JAKMIP1: variants seen among roughly 807,000 people sequenced by gnomAD.
JAKMIP1 encodes janus kinase and microtubule-interacting protein 1.
A neutral mutation model predicts 113.0 loss-of-function variants in JAKMIP1; 33 were observed. The ratio of observed to expected loss-of-function variants is 0.29; its 90% CI spans 0.22 to 0.39. JAKMIP1 has a LOEUF of 0.39. Ranked by LOEUF, JAKMIP1 falls within the 10% of genes least tolerant of loss-of-function variation. The pLI is 1.00. For missense variants in JAKMIP1, 813 were observed against 1,080.5 expected (o/e 0.75, Z 3.47); for synonymous variants, 480 against 459.9 (o/e 1.04, Z -0.56).
Position 6,061,123 on chromosome 4 carries a change from G to A in JAKMIP1, c.1561-616C>T, listed in dbSNP as rs6446448. ...CAGCAGCAGCCACAAGAAATGGGAC[G>A]CCTGTTGCTGCCAGATGTTCTGACC... is the stretch of plus-strand genomic sequence containing the variant. On this transcript the variant is annotated intron_variant, in intron 10 of 20. Coordinates refer to ENST00000409021, the MANE Select transcript of JAKMIP1 (RefSeq NM_001099433.2). This position sits in a 1 kb window ranked among gnomAD's most constrained non-coding sequence, Gnocchi z 5.3. Among the ~76,000 whole-genome samples the A allele has an allele frequency of 0.15, 22,574 of 152,234 alleles. 2,443 individuals are homozygous for A. Among genetic ancestry groups the A allele is most frequent in the African/African-American group, 0.3 (12,538 of 41,514 alleles).
chr4:6,145,093 G>A (rs957981762), intron 1 of JAKMIP1, among the ~76,000 whole-genome samples: 6 of 152,274 alleles, frequency 3.9e-5, no homozygotes, highest in Middle Eastern at 3.4e-3. Context: ...AATGAACAAC[G>A]TGAAAATGAA....
intron 1 of JAKMIP1, among the ~76,000 whole-genome samples, chr4:6,172,018 C>A (rs747771135): frequency 2.6e-5 from 4 of 152,278 alleles, no homozygotes; most frequent in East Asian, 1.9e-4. Flanking sequence ...CAAGCTCCCC[C>A]ACGTGATACC....
At position 6,097,454 on chromosome 4, in the gene JAKMIP1, G is replaced by A. The variant is rs868771071; in HGVS notation, c.624+8019C>T. Among the ~76,000 whole-genome samples, 12 of 152,300 alleles carry A rather than the reference G, an allele frequency of 7.9e-5. No homozygotes were observed. The highest frequency in any genetic ancestry group is 2.1e-4 in the South Asian group (1 of 4,830). On this transcript the variant is annotated intron_variant, in intron 3 of 20. Transcript: ENST00000409021. This position sits in a 1 kb window ranked among gnomAD's most constrained non-coding sequence, Gnocchi z 4.3. ...TATGGAAGCTCTATCACAGCTGATG[G>A]GGGCTAGGGGGATCTTTTTTCCCCT...
At chr4:6,159,271 G>A (rs1037182207) in intron 1 of JAKMIP1, among the ~76,000 whole-genome samples, 2 of 131,800 alleles carry the variant, frequency 1.5e-5, no homozygotes, top group African/African-American at 2.7e-5. Context: ...AATACAAACA[G>A]AGAAACCACA....
rs979663760 is a variant in JAKMIP1, at chr4:6,157,329, G to A, written c.-148+42924C>T. ...CAGGTTACTCCCTCTGCAAAAAGGC[G>A]CACGGGATGGGAAGCTGGCGCACAA... On this transcript the variant is annotated intron_variant, in intron 1 of 20. Transcript: ENST00000409021. The surrounding 1 kb of genome is among the most constrained non-coding windows in gnomAD (Gnocchi z 4.7). Among the ~76,000 whole-genome samples, 2 of 152,152 alleles carry A rather than the reference G, an allele frequency of 1.3e-5. No individual in the cohort carries two copies. The highest frequency in any genetic ancestry group is 4.8e-5 in the African/African-American group (2 of 41,432).
chr4:6,198,528 G>C (rs777549080), intron 1 of JAKMIP1, among the ~76,000 whole-genome samples: 12 of 152,104 alleles, frequency 7.9e-5, no homozygotes, highest in Non-Finnish European at 1.6e-4. Context: ...TCATGCATTG[G>C]GTCCACACTG....
Position 6,112,712 on chromosome 4 carries a change from C to G in JAKMIP1, c.129+10G>C. On this transcript the variant is annotated intron_variant, in intron 2 of 20. Transcript: ENST00000409021. ...AGCCCAGCCGCTGCTGAGCTGACGC[C>G]AACCCCCACCTTGCTTTTTTCCTGC... 6.2e-7 allele frequency: 1 copy of G among 1,612,994 alleles called. No individual in the cohort carries two copies. The highest frequency in any genetic ancestry group is 8.5e-7 in the Non-Finnish European group (1 of 1,179,692).
chr4:6,147,400 G>A (rs143891675), intron 1 of JAKMIP1, among the ~76,000 whole-genome samples: 3 of 152,272 alleles, frequency 2.0e-5, no homozygotes, highest in African/African-American at 7.2e-5. Flanking sequence ...TGCCAGTCAC[G>A]GAAACATGGG....
chr4:6,095,964 T>C (rs1711668065), intron 3 of JAKMIP1, among the ~76,000 whole-genome samples: 1 of 152,112 alleles, frequency 6.6e-6, no homozygotes, highest in East Asian at 1.9e-4. Context: ...TGGGAAAAGG[T>C]GGCATATAAC....
Position 6,141,071 on chromosome 4 carries a change from G to A in JAKMIP1, c.-147-28074C>T, listed in dbSNP as rs781559075. ...GGGCCCCCTGCCCAGCATTCACAGC[G>A]AAGAAGCCTCAGTCAGTCACTACCA... On this transcript the variant is annotated intron_variant, in intron 1 of 20. Transcript: ENST00000409021. The surrounding 1 kb of genome is among the most constrained non-coding windows in gnomAD (Gnocchi z 9.4). 9.2e-5 allele frequency among the ~76,000 whole-genome samples: 14 copies of A among 152,212 alleles called. No homozygotes were observed. Among genetic ancestry groups the A allele is most frequent in the African/African-American group, 1.4e-4 (6 of 41,432 alleles).
chr4:6,077,576 T>C (rs570029909), intron 8 of JAKMIP1, among the ~76,000 whole-genome samples: 5 of 142,482 alleles, frequency 3.5e-5, no homozygotes, highest in Admixed American at 1.5e-4. Flanking sequence ...AGCCTTGACC[T>C]CCTGGGCTCA....
At chr4:6,090,281 G>T (rs906963673) in intron 3 of JAKMIP1, among the ~76,000 whole-genome samples, 3 of 151,960 alleles carry the variant, frequency 2.0e-5, no homozygotes, top group Non-Finnish European at 2.9e-5. Flanking sequence ...AGAAGGCCAC[G>T]TGCAGGCAGA....
Position 6,084,832 on chromosome 4 carries a change from T to C in JAKMIP1, c.954+14A>G, listed in dbSNP as rs982921128. On this transcript the variant is annotated intron_variant, in intron 5 of 20. Coordinates refer to ENST00000409021, the MANE Select transcript of JAKMIP1 (RefSeq NM_001099433.2). ...CACCCTATGAGGCACCGCCTGTCTC[T>C]TGGGGCTACTTACCAGTTCATTCCT... 2.5e-6 allele frequency: 4 copies of C among 1,608,384 alleles called. No individual in the cohort carries two copies. The highest frequency in any genetic ancestry group is 2.2e-5 in the South Asian group (2 of 89,370).
intron 1 of JAKMIP1, among the ~76,000 whole-genome samples, chr4:6,113,407 G>A (rs1210754864): frequency 6.6e-6 from 1 of 152,108 alleles, no homozygotes; most frequent in Non-Finnish European, 1.5e-5. Flanking sequence ...AGAGCTTGAA[G>A]CATGAGGAGC....
chr4:6,172,063 C>T (rs1475689473), intron 1 of JAKMIP1, among the ~76,000 whole-genome samples: 2 of 152,230 alleles, frequency 1.3e-5, no homozygotes, highest in African/African-American at 4.8e-5. Flanking sequence ...CCACACCAGG[C>T]CACGCAGGAA....
rs535763199 is a variant in JAKMIP1 at position 6,183,919 on chromosome 4, C to G, written c.-148+16334G>C. ...CGTCACAACAGAATATTTTCACAAC[C>G]ACAACAAAGTCCATTAATACTCAAG... On this transcript the variant is annotated intron_variant, in intron 1 of 20. Coordinates refer to ENST00000409021, the MANE Select transcript of JAKMIP1 (RefSeq NM_001099433.2). The surrounding 1 kb of genome is among the most constrained non-coding windows in gnomAD (Gnocchi z 5.3). 1.3e-5 allele frequency among the ~76,000 whole-genome samples: 2 copies of G among 152,272 alleles called. No individual in the cohort carries two copies. Among genetic ancestry groups the G allele is most frequent in the South Asian group, 4.1e-4 (2 of 4,822 alleles).
chr4:6,060,880 C>T (rs1717178136), intron 10 of JAKMIP1, among the ~76,000 whole-genome samples: 1 of 152,272 alleles, frequency 6.6e-6, no homozygotes, highest in South Asian at 2.1e-4. Flanking sequence ...GAACCTGAAG[C>T]TCATTCAGCC....
intron 17 of JAKMIP1, among the ~76,000 whole-genome samples, chr4:6,041,389 G>A (rs1341723716): frequency 6.6e-6 from 1 of 152,174 alleles, no homozygotes; most frequent in Non-Finnish European, 1.5e-5. Context: ...TCTGGCATCA[G>A]TCAGGGCTCT....
intron 20 of JAKMIP1, among the ~76,000 whole-genome samples, chr4:6,028,234 T>C (rs1457546197): frequency 2.0e-5 from 3 of 152,202 alleles, no homozygotes; most frequent in Non-Finnish European, 4.4e-5. Flanking sequence ...TGAGACCCCC[T>C]TGGGTTCTCA....
Sources: gnomAD v4.1 joint callset for allele counts (sites outside exome capture counted in the v4.1 genomes callset) on GRCh38, gnomAD v4.1.1 for gene constraint, Gnocchi (gnomAD v3.1) non-coding constraint, MANE v1.5 for transcripts, NCBI Gene and HGNC (gene_info 2026-07-23, HGNC 2026-07-21) for gene names.